GLMN: variants seen among roughly 807,000 people sequenced by gnomAD.
GLMN encodes the protein glomulin.
GLMN carries 75 observed loss-of-function variants against 87.8 expected under a neutral mutation model. The observed-to-expected ratio is 0.85, with a 90% CI of 0.71 to 1.04. The LOEUF is 1.04. Ranked by LOEUF, GLMN falls within the 50% of genes least tolerant of loss-of-function variation. GLMN has a pLI of 0.00. For synonymous variants in GLMN, 206 were observed against 221.6 expected, an observed-to-expected ratio of 0.93 and a Z score of 0.63; for missense variants, 588 against 658.8, an observed-to-expected ratio of 0.89 and a Z score of 1.18.
At chr1:92,363,092 T>TA in the GLMN span, among the ~76,000 whole-genome samples, 1 of 151,970 alleles carries the variant, frequency 6.6e-6, no homozygotes, top group East Asian at 1.9e-4. Context: ...TTTGAAAAAA[T>TA]AAAAGCCTTT....
At chr1:92,296,150 T>C (rs1188976925) in intron 3 of GLMN, among the ~76,000 whole-genome samples, 1 of 152,126 alleles carries the variant, frequency 6.6e-6, no homozygotes, top group Non-Finnish European at 1.5e-5. Flanking sequence ...CCAATCAAGA[T>C]GCCCTGGAGA....
upstream of GLMN, chr1:92,303,911 TTAGA>T: frequency 9.3e-7 from 1 of 1,071,808 alleles, no homozygotes; most frequent in East Asian, 2.4e-5. Context: ...TTGATGAGGC[TTAGA>T]GAGCTGATAA....
intron 7 of GLMN, among the ~76,000 whole-genome samples, chr1:92,279,100 C>T (rs1647643228): frequency 1.5e-5 from 1 of 65,484 alleles, no homozygotes; most frequent in Non-Finnish European, 3.0e-5. Flanking sequence ...CTTGCATGTC[C>T]TAACTTTACT....
chr1:92,281,129 T>C (rs1647993305), intron 7 of GLMN, among the ~76,000 whole-genome samples: 1 of 152,144 alleles, frequency 6.6e-6, no homozygotes, highest in Non-Finnish European at 1.5e-5. Context: ...ACCACAAAGA[T>C]ACTCCTTGAG....
chr1:92,335,313 A>G, the GLMN span, among the ~76,000 whole-genome samples: 1 of 152,174 alleles, frequency 6.6e-6, no homozygotes, highest in Non-Finnish European at 1.5e-5. Context: ...AAATAGATAT[A>G]CGGGATTATT....
the GLMN span, among the ~76,000 whole-genome samples, chr1:92,315,818 G>C: frequency 6.6e-6 from 1 of 152,130 alleles, no homozygotes; most frequent in African/African-American, 2.4e-5. Flanking sequence ...TAATGTCATG[G>C]AGACTAACAG....
At chr1:92,282,573 G>A (rs1648198887) in intron 7 of GLMN, among the ~76,000 whole-genome samples, 1 of 152,100 alleles carries the variant, frequency 6.6e-6, no homozygotes, top group Non-Finnish European at 1.5e-5. Context: ...AATTGGAAAA[G>A]CAAGAGCAAA....
At chr1:92,307,352 GAGTA>G in the GLMN span, 2 of 978,674 alleles carry the variant, frequency 2.0e-6, no homozygotes, top group Non-Finnish European at 3.0e-6. Flanking sequence ...GATTAGCTGA[GAGTA>G]AGTCTAGTTT....
chr1:92,261,582 C>T (rs2100859270), intron 16 of GLMN, among the ~76,000 whole-genome samples: 1 of 152,238 alleles, frequency 6.6e-6, no homozygotes, highest in East Asian at 1.9e-4. Context: ...GTATGAGGAA[C>T]CTCTTGTGAT....
chr1:92,248,341 C>CA, intron 16 of GLMN: 1 of 196,964 alleles, frequency 5.1e-6, no homozygotes, highest in Non-Finnish European at 1.0e-5. Flanking sequence ...GCCTTCATCC[C>CA]AAGTATGGCC....
the GLMN span, among the ~76,000 whole-genome samples, chr1:92,335,689 A>G: frequency 1.3e-5 from 2 of 152,166 alleles, no homozygotes; most frequent in South Asian, 4.1e-4. Flanking sequence ...TCTATCATGA[A>G]TATCTTTTTA....
chr1:92,297,955 A>C lies in GLMN; in HGVS notation c.39+6T>G. The C allele has an allele frequency of 7.5e-7, 1 of 1,326,644 alleles. No individual in the cohort carries two copies. Among genetic ancestry groups the C allele is most frequent in the Non-Finnish European group, 1.1e-6 (1 of 918,656 alleles). The allele number at this position is 1,326,644 out of a possible 1,614,324, so 82.2% of individuals were successfully genotyped here. A position where few individuals can be genotyped will look rare whatever the true frequency, so the allele number is the denominator to read the frequency against. On this transcript the variant is annotated splice_donor_region_variant and intron_variant, in intron 2 of 18. Coordinates refer to ENST00000370360, the MANE Select transcript of GLMN (RefSeq NM_053274.3). ...GGTATTTAATTTTACAAAAATTAAT[A>C]CTTACACATCTCTTTATTATAGACT...
the GLMN span, among the ~76,000 whole-genome samples, chr1:92,324,657 C>T: frequency 1.3e-5 from 2 of 152,140 alleles, no homozygotes; most frequent in Non-Finnish European, 2.9e-5. Flanking sequence ...CCTAATTCTT[C>T]ATACAATAAA....
At chr1:92,300,759 T>C (rs75508716), upstream of GLMN, among the ~76,000 whole-genome samples, 2,118 of 152,348 alleles carry the variant, frequency 0.014, 49 homozygotes, top group African/African-American at 0.047. Context: ...ACTAATCTTA[T>C]ATTGGCTTTG....
chr1:92,264,056 C>T (rs1444284991), intron 14 of GLMN, among the ~76,000 whole-genome samples: 1 of 152,154 alleles, frequency 6.6e-6, no homozygotes. Context: ...TGACTCACAC[C>T]TGTAATCCCA....
chr1:92,259,732 C>CTTTTTTTTTTTT (rs58390058), intron 16 of GLMN, among the ~76,000 whole-genome samples: 17 of 108,240 alleles, frequency 1.6e-4, no homozygotes, highest in South Asian at 3.4e-4. Context: ...TTTTTTCTTT[C>CTTTTTTTTTTTT]TTTTTTTTTT....
intron 16 of GLMN, among the ~76,000 whole-genome samples, chr1:92,249,412 G>A (rs751508186): frequency 3.4e-4 from 51 of 151,890 alleles, no homozygotes; most frequent in South Asian, 1.0e-3. Context: ...CTTAACCAGT[G>A]TAGCCACACA....
chr1:92,269,887 A>G lies in GLMN; in HGVS notation c.924-111T>C, dbSNP rs186858926. 64 of 734,608 alleles carry G rather than the reference A, an allele frequency of 8.7e-5. 2 individuals carry two copies. In the Admixed American group the frequency reaches 1.0e-3, roughly 12 times the overall value. The allele number at this position is 734,608 out of a possible 1,614,324, so 45.5% of individuals were successfully genotyped here. On this transcript the variant is annotated intron_variant, in intron 8 of 18. Transcript: ENST00000370360. ...ATCTCCCCCAAAAAAGATATGTTGG[A>G]GTCCTAACCTCTAGTACCTCAGAAT...
At chr1:92,292,578 T>A (rs1236120845) in intron 3 of GLMN, among the ~76,000 whole-genome samples, 4 of 137,206 alleles carry the variant, frequency 2.9e-5, no homozygotes, top group Non-Finnish European at 4.7e-5. Context: ...GCCTGGCTAA[T>A]TTTTTGCCTT....
Sources: allele counts gnomAD v4.1 joint callset (sites outside exome capture counted in the v4.1 genomes callset), GRCh38; gene constraint gnomAD v4.1.1; transcripts MANE v1.5; gene names NCBI Gene and HGNC (gene_info 2026-07-23, HGNC 2026-07-21).